Variants in NRP2 observed in about 807,000 individuals in gnomAD.
The protein encoded by NRP2 is neuropilin-2.
In NRP2, 52 loss-of-function variants were observed where a neutral mutation model predicts 110.4. The observed-to-expected ratio is 0.47, with a 90% confidence interval of 0.38 to 0.59. The LOEUF (loss-of-function observed/expected upper bound fraction) is 0.59, where lower values mean the gene tolerates loss of function less well. Among genes scored for constraint, NRP2 ranks in the 20% least tolerant of loss-of-function variants. The pLI is 0.00. For missense variants in NRP2, 1,049 were observed against 1,203.0 expected (o/e 0.87, Z 1.89); for synonymous variants, 508 against 468.9 (o/e 1.08, Z -1.08).
At chr2:205,732,471 A>G (rs1330577581) in intron 7 of NRP2, among the ~76,000 whole-genome samples, 3 of 152,246 alleles carry the variant, frequency 2.0e-5, no homozygotes, top group Admixed American at 2.0e-4. Context: ...CTTCTTAAAC[A>G]GGGCACCGTG....
At chr2:205,700,771 G>C (rs766285050) in intron 2 of NRP2, 25 of 518,676 alleles carry the variant, frequency 4.8e-5, no homozygotes, top group African/African-American at 4.4e-4. Context: ...TGCAATCCAA[G>C]GCCACCATCT....
intron 10 of NRP2, among the ~76,000 whole-genome samples, chr2:205,746,900 C>T (rs2057548296): frequency 1.3e-5 from 2 of 152,106 alleles, no homozygotes; most frequent in South Asian, 2.1e-4. Flanking sequence ...GGAATTGGGC[C>T]CAAATTAGCC....
Position 205,686,406 on chromosome 2 carries a change from GA to G in NRP2, c.73+3048del, listed in dbSNP as rs1181277434. On this transcript the variant is annotated intron_variant, in intron 1 of 16. Coordinates refer to ENST00000357785, the MANE Select transcript of NRP2 (RefSeq NM_003872.3). This position sits in a 1 kb window ranked among gnomAD's most constrained non-coding sequence, Gnocchi z 4.7. ...CCTCGCTCTTTGCTTTTCCACGTGA[GA>G]AAAAGAAATGTTCACGGCCGATGCT... 6.6e-6 allele frequency among the ~76,000 whole-genome samples: 1 copy of G among 152,222 alleles called. No homozygotes were observed. The highest frequency in any genetic ancestry group is 1.5e-5 in the Non-Finnish European group (1 of 68,042).
At position 205,725,141 on chromosome 2, in the gene NRP2, G is replaced by A. The variant is rs1385570200; in HGVS notation, c.821-772G>A. Among the ~76,000 whole-genome samples the A allele has an allele frequency of 6.6e-6, 1 of 152,210 alleles. No homozygotes were observed. The highest frequency in any genetic ancestry group is 1.5e-5 in the Non-Finnish European group (1 of 68,042). ...TCATCAAAGAGCTTCTGAAGATTGA[G>A]TGACAAAGAAACAGTATGGCAAATT... is the stretch of plus-strand genomic sequence containing the variant. On this transcript the variant is annotated intron_variant, in intron 5 of 16. Coordinates refer to ENST00000357785, the MANE Select transcript of NRP2 (RefSeq NM_003872.3). The surrounding 1 kb of genome is among the most constrained non-coding windows in gnomAD (Gnocchi z 4.1).
At position 205,797,347 on chromosome 2, in the gene NRP2, T is replaced by C. The variant is rs1418349803; in HGVS notation, c.*2289T>C. On this transcript the variant is annotated 3_prime_UTR_variant, in exon 17 of 17. Transcript: ENST00000357785. ...GTCCTAGGGATTTCCAGAAGTAGCC[T>C]GCAGAAGAAGGTAAGTTTGAAAGCC... The C allele has an allele frequency of 6.6e-6, 1 of 152,264 alleles. No individual in the cohort carries two copies. The highest frequency in any genetic ancestry group is 1.5e-5 in the Non-Finnish European group (1 of 68,078). The allele number at this position is 152,264 out of a possible 1,614,324, so 9.4% of individuals were successfully genotyped here. A position where few individuals can be genotyped will look rare whatever the true frequency, so the allele number is the denominator to read the frequency against.
At chr2:205,773,919 G>A (rs1334666869) in intron 15 of NRP2, among the ~76,000 whole-genome samples, 1 of 152,178 alleles carries the variant, frequency 6.6e-6, no homozygotes, top group Non-Finnish European at 1.5e-5. Flanking sequence ...CTTCTTTAGA[G>A]GGAAAGCTAA....
At chr2:205,770,817 CA>C (rs2058010217) in intron 15 of NRP2, among the ~76,000 whole-genome samples, 1 of 152,112 alleles carries the variant, frequency 6.6e-6, no homozygotes, top group Non-Finnish European at 1.5e-5. Flanking sequence ...TGTTGCTGAG[CA>C]AGAAAGCATG....
intron 15 of NRP2, chr2:205,767,030 T>C: frequency 1.7e-6 from 1 of 598,172 alleles, no homozygotes; most frequent in East Asian, 2.8e-5. Flanking sequence ...AGAAACCTAT[T>C]AATAGAGACA....
At chr2:205,774,716 C>A (rs551266335) in intron 15 of NRP2, among the ~76,000 whole-genome samples, 1 of 152,286 alleles carries the variant, frequency 6.6e-6, no homozygotes, top group South Asian at 2.1e-4. Context: ...GACCCACCTC[C>A]CACCTATTCC....
chr2:205,693,942 G>A (rs1252729656), intron 1 of NRP2, among the ~76,000 whole-genome samples: 1 of 152,214 alleles, frequency 6.6e-6, no homozygotes, highest in Non-Finnish European at 1.5e-5. Flanking sequence ...GTTATCCAGT[G>A]TTCCTTTAAA....
At chr2:205,776,670 T>A (rs554701425) in intron 15 of NRP2, 1 of 1,550,046 alleles carries the variant, frequency 6.5e-7, no homozygotes, top group African/African-American at 1.4e-5. Context: ...AGCACTCTTA[T>A]CAATCCCAAC....
chr2:205,749,137 T>A (rs2057594333), intron 10 of NRP2, among the ~76,000 whole-genome samples: 1 of 152,152 alleles, frequency 6.6e-6, no homozygotes, highest in African/African-American at 2.4e-5. Flanking sequence ...CTGGAGCCAG[T>A]CATGGAGGCC....
chr2:205,794,860 C>T lies in NRP2; in HGVS notation c.2583C>T (p.Leu861=), dbSNP rs1187622480. Residue 861 remains leucine, a synonymous_variant, in exon 17 of 17, where the codon CTC becomes CTT. Transcript: ENST00000357785. ...KSWLYTLDPI[L]ITIIAMSSLG... Reference sequence around the variant, plus strand: ...GGCTGTACACCCTGGATCCCATCCTCATCACCATCATCGCCATGAGCTCAC... The same window carrying T: ...GGCTGTACACCCTGGATCCCATCCTTATCACCATCATCGCCATGAGCTCAC... 4 of 1,614,206 alleles carry T rather than the reference C, an allele frequency of 2.5e-6. No individual in the cohort carries two copies. The highest frequency in any genetic ancestry group is 1.7e-6 in the Non-Finnish European group (2 of 1,180,032).
At chr2:205,710,953 A>G (rs927916251) in intron 2 of NRP2, among the ~76,000 whole-genome samples, 3 of 152,226 alleles carry the variant, frequency 2.0e-5, no homozygotes, top group African/African-American at 7.2e-5. Flanking sequence ...TTTGCCGCTA[A>G]TAGTGAAAAT....
intron 7 of NRP2, among the ~76,000 whole-genome samples, chr2:205,735,053 A>T (rs1374830425): frequency 6.6e-6 from 1 of 152,154 alleles, no homozygotes; most frequent in Admixed American, 6.5e-5. Context: ...GGCCCGCCTC[A>T]TTTGGGAAGG....
At position 205,716,231 on chromosome 2, in the gene NRP2, C is replaced by T; in HGVS notation, c.290C>T (p.Ser97Phe). 1 of 1,614,216 alleles carries T rather than the reference C, an allele frequency of 6.2e-7. No homozygotes were observed. The highest frequency in any genetic ancestry group is 8.5e-7 in the Non-Finnish European group (1 of 1,180,048). ...FIEIRDGDSE[S>F]ADLLGKHCGN... The stretch of plus-strand genomic sequence containing the variant: ...GAGATTCGGGATGGGGACAGTGAAT[C>T]CGCAGACCTCCTGGGCAAACACTGT... The change falls in exon 3 of 17, where the codon TCC becomes TTC. Residue 97 changes from serine to phenylalanine, a missense_variant. Coordinates refer to ENST00000357785, the MANE Select transcript of NRP2 (RefSeq NM_003872.3).
intron 2 of NRP2, among the ~76,000 whole-genome samples, chr2:205,714,106 G>T (rs1202763619): frequency 6.6e-6 from 1 of 152,092 alleles, no homozygotes; most frequent in African/African-American, 2.4e-5. Context: ...CATTTACTTA[G>T]CACTCACTGA....
intron 1 of NRP2, among the ~76,000 whole-genome samples, chr2:205,690,075 T>A (rs1374265125): frequency 6.6e-6 from 1 of 152,154 alleles, no homozygotes; most frequent in Non-Finnish European, 1.5e-5. Flanking sequence ...TGCTCCCGCC[T>A]CCACAAATCC....
At chr2:205,782,925 G>A (rs888079108) in intron 15 of NRP2, among the ~76,000 whole-genome samples, 3 of 151,630 alleles carry the variant, frequency 2.0e-5, no homozygotes, top group African/African-American at 7.3e-5. Flanking sequence ...TTGGGCACAT[G>A]TTTTACAAAG....
Sources: allele counts gnomAD v4.1 joint callset (sites outside exome capture counted in the v4.1 genomes callset), GRCh38; gene constraint gnomAD v4.1.1; non-coding constraint Gnocchi (gnomAD v3.1); transcripts MANE v1.5; gene names NCBI Gene and HGNC (gene_info 2026-07-23, HGNC 2026-07-21).